The following TNFRSF8 variants were observed in gnomAD, a reference collection of about 807,000 sequenced individuals.
TNFRSF8 encodes the protein TNF receptor superfamily member 8, also known as tumor necrosis factor receptor superfamily member 8.
In TNFRSF8, 26 loss-of-function variants were observed where a neutral mutation model predicts 70.8. The ratio of observed to expected loss-of-function variants is 0.37; its 90% confidence interval spans 0.27 to 0.51. TNFRSF8 has a LOEUF of 0.51. Ranked by LOEUF, TNFRSF8 falls within the 20% of genes least tolerant of loss-of-function variation. The probability of loss-of-function intolerance (pLI) is 0.94; values close to 1 mark genes in which losing one functional copy is unlikely to be tolerated. For missense variants in TNFRSF8, 720 were observed against 807.9 expected (o/e 0.89, Z 1.32); for synonymous variants, 356 against 339.2 (o/e 1.05, Z -0.54).
Position 12,110,301 on chromosome 1 carries a change from G to A in TNFRSF8, c.676+97G>A. The A allele has an allele frequency of 4.6e-6, 6 of 1,292,588 alleles. No individual in the cohort carries two copies. Among genetic ancestry groups the A allele is most frequent in the East Asian group, 2.5e-5 (1 of 39,334 alleles). 80.1% of individuals were successfully genotyped at this position (1,292,588 alleles called of 1,614,324 possible). ...GTTTGGAGCAGGCGGGCAGTGATCT[G>A]TGGTCTTTTCCTGGTGGGGAGAGAA... On this transcript the variant is annotated intron_variant, in intron 6 of 14. Transcript: ENST00000263932. The surrounding 1 kb of genome is among the most constrained non-coding windows in gnomAD (Gnocchi z 4.0).
At chr1:12,080,799 A>G (rs1411324543) in intron 1 of TNFRSF8, among the ~76,000 whole-genome samples, 1 of 151,664 alleles carries the variant, frequency 6.6e-6, no homozygotes, top group African/African-American at 2.4e-5. Context: ...GCCTCAGCTG[A>G]CCCTCCTGTC....
intron 1 of TNFRSF8, among the ~76,000 whole-genome samples, chr1:12,072,519 C>T (rs1484132268): frequency 6.6e-6 from 1 of 152,130 alleles, no homozygotes; most frequent in Non-Finnish European, 1.5e-5. Context: ...CAGCTTTGCC[C>T]AGGGCTCTGG....
intron 8 of TNFRSF8, 74 bp from the exon 9 acceptor site, chr1:12,123,210 C>A: frequency 7.5e-7 from 1 of 1,326,462 alleles, no homozygotes; most frequent in Non-Finnish European, 1.0e-6. Context: ...GCCACCAGTC[C>A]CTGCTGGTTA....
Position 12,115,526 on chromosome 1 carries a change from C to T in TNFRSF8, c.794-51C>T, listed in dbSNP as rs561387407. ...TCTTCCTGGGGGCTCTCTGGACCCC[C>T]TGCCCTTGCCATACTGATCTTTCTC... On this transcript the variant is annotated intron_variant, in intron 7 of 14. Coordinates refer to ENST00000263932, the MANE Select transcript of TNFRSF8 (RefSeq NM_001243.5). The T allele has an allele frequency of 1.5e-5, 24 of 1,610,256 alleles. No homozygotes were observed. In the African/African-American group the frequency reaches 1.7e-4, roughly 12 times the overall value.
chr1:12,128,018 A>G (rs1454964849), intron 12 of TNFRSF8, among the ~76,000 whole-genome samples: 1 of 152,188 alleles, frequency 6.6e-6, no homozygotes, highest in African/African-American at 2.4e-5. Flanking sequence ...AAGTGAAGCC[A>G]AGACAGGCAA....
chr1:12,085,658 G>A (rs2100969967), intron 2 of TNFRSF8, among the ~76,000 whole-genome samples: 1 of 152,254 alleles, frequency 6.6e-6, no homozygotes, highest in East Asian at 1.9e-4. Flanking sequence ...CTCCCTTTCT[G>A]GAATGTTCCC....
rs542577626 is a variant in TNFRSF8, at chr1:12,119,694, T to G, written c.947-3590T>G. ...TTGGCTCACTGCAGCATTGAACTCC[T>G]GGGCTCGGGCGATCCTCCCACCTCA... On this transcript the variant is annotated intron_variant, in intron 8 of 14. Transcript: ENST00000263932. This position sits in a 1 kb window ranked among gnomAD's most constrained non-coding sequence, Gnocchi z 4.4. Among the ~76,000 whole-genome samples, 2 of 152,216 alleles carry G rather than the reference T, an allele frequency of 1.3e-5. No homozygotes were observed. Among genetic ancestry groups the G allele is most frequent in the South Asian group, 4.2e-4 (2 of 4,812 alleles).
intron 7 of TNFRSF8, among the ~76,000 whole-genome samples, chr1:12,114,440 C>G (rs1641689856): frequency 6.6e-6 from 1 of 152,098 alleles, no homozygotes. Flanking sequence ...CTGCCCAGTT[C>G]CCTTGCTCTG....
chr1:12,119,506 G>A lies in TNFRSF8; in HGVS notation c.946+3777G>A, dbSNP rs79044494. ...TCTACCTGCCGGTTGATGGCATTTGGGTTGTTTCCAGTTTAGGGCTATTAT... is the reference window on the plus strand; with the variant it reads ...TCTACCTGCCGGTTGATGGCATTTGAGTTGTTTCCAGTTTAGGGCTATTAT... On this transcript the variant is annotated intron_variant, in intron 8 of 14. Transcript: ENST00000263932. The surrounding 1 kb of genome is among the most constrained non-coding windows in gnomAD (Gnocchi z 4.4). Among the ~76,000 whole-genome samples, 1 of 151,196 alleles carries A rather than the reference G, an allele frequency of 6.6e-6. No individual in the cohort carries two copies. Among genetic ancestry groups the A allele is most frequent in the African/African-American group, 2.4e-5 (1 of 41,108 alleles).
At chr1:12,066,354 A>AAT (rs1553152231) in intron 1 of TNFRSF8, among the ~76,000 whole-genome samples, 51 of 140,872 alleles carry the variant, frequency 3.6e-4, no homozygotes, top group African/African-American at 1.3e-3. Context: ...TGAGTTTAAA[A>AAT]TTTTTTTTTT....
intron 3 of TNFRSF8, among the ~76,000 whole-genome samples, chr1:12,098,983 T>C (rs1641374339): frequency 6.6e-6 from 1 of 152,252 alleles, no homozygotes; most frequent in Non-Finnish European, 1.5e-5. Flanking sequence ...TTATTATTCA[T>C]GATGAGTTTA....
At chr1:12,100,971 A>AT (rs1641413152) in intron 3 of TNFRSF8, among the ~76,000 whole-genome samples, 1 of 144,076 alleles carries the variant, frequency 6.9e-6, no homozygotes, top group Non-Finnish European at 1.5e-5. Context: ...AAAAAAAAAA[A>AT]AGAATCCTGT....
chr1:12,096,309 A>G (rs903347985), intron 2 of TNFRSF8, among the ~76,000 whole-genome samples: 3 of 152,078 alleles, frequency 2.0e-5, no homozygotes, highest in Non-Finnish European at 4.4e-5. Flanking sequence ...TCTTAGTGGC[A>G]GGAGTGTCCA....
chr1:12,066,101 G>C (rs1234586300), intron 1 of TNFRSF8, among the ~76,000 whole-genome samples: 1 of 152,072 alleles, frequency 6.6e-6, no homozygotes, highest in Non-Finnish European at 1.5e-5. Flanking sequence ...TAGTGAAAAG[G>C]GTTATATCCT....
At chr1:12,126,814 G>C (rs1160231790) in intron 12 of TNFRSF8, among the ~76,000 whole-genome samples, 2 of 152,270 alleles carry the variant, frequency 1.3e-5, no homozygotes, top group Non-Finnish European at 2.9e-5. Context: ...CTACTTCAGA[G>C]GCTTGGCCTG....
Position 12,143,462 on chromosome 1 carries a change from A to G in TNFRSF8, c.*931A>G, listed in dbSNP as rs1642296913. The G allele has an allele frequency of 6.6e-6, 1 of 152,274 alleles. No individual in the cohort carries two copies. The highest frequency in any genetic ancestry group is 2.1e-4 in the South Asian group (1 of 4,818). 9.4% of individuals were successfully genotyped at this position (152,274 alleles called of 1,614,324 possible). Reference sequence around the variant, plus strand: ...TGGGCCCCACCCACTCTGTCCTGGGAAATGAAGAAGCATCTTCCTTAGGTC... The same window carrying G: ...TGGGCCCCACCCACTCTGTCCTGGGGAATGAAGAAGCATCTTCCTTAGGTC... On this transcript the variant is annotated 3_prime_UTR_variant, in exon 15 of 15. Coordinates refer to ENST00000263932, the MANE Select transcript of TNFRSF8 (RefSeq NM_001243.5). The surrounding 1 kb of genome is among the most constrained non-coding windows in gnomAD (Gnocchi z 4.1).
In TNFRSF8 at chr1:12,142,533, G is replaced by A; in HGVS notation, c.*2G>A. 1.3e-6 allele frequency: 2 copies of A among 1,561,982 alleles called. No individual in the cohort carries two copies. The highest frequency in any genetic ancestry group is 1.7e-4 in the Middle Eastern group (1 of 5,864). The stretch of plus-strand genomic sequence containing the variant: ...CCCACAGCTGCCTCTGGAAAGTGAG[G>A]CCTGGGCTGGGCTGGGGCTAGGAGG... On this transcript the variant is annotated 3_prime_UTR_variant, in exon 15 of 15. Coordinates refer to ENST00000263932, the MANE Select transcript of TNFRSF8 (RefSeq NM_001243.5). The surrounding 1 kb of genome is among the most constrained non-coding windows in gnomAD (Gnocchi z 5.0).
chr1:12,133,417 C>T (rs1642087304), intron 12 of TNFRSF8, among the ~76,000 whole-genome samples: 1 of 151,898 alleles, frequency 6.6e-6, no homozygotes, highest in African/African-American at 2.4e-5. Context: ...TCTGGAGGGA[C>T]CATGATTTAG....
Position 12,109,238 on chromosome 1 carries a change from G to A in TNFRSF8, c.422-328G>A, listed in dbSNP as rs11569869. ...TCTACCTCACAGGCTTGGGTCACAT[G>A]TCCGTCCCTGAACTGGCTCATCGTG... is the stretch of plus-strand genomic sequence containing the variant. On this transcript the variant is annotated intron_variant, in intron 4 of 14. Coordinates refer to ENST00000263932, the MANE Select transcript of TNFRSF8 (RefSeq NM_001243.5). This position sits in a 1 kb window ranked among gnomAD's most constrained non-coding sequence, Gnocchi z 4.4. 0.018 allele frequency among the ~76,000 whole-genome samples: 2,794 copies of A among 152,230 alleles called. 39 individuals carry two copies. The highest frequency in any genetic ancestry group is 0.028 in the Non-Finnish European group (1,937 of 68,010).
Sources: allele counts gnomAD v4.1 joint callset (sites outside exome capture counted in the v4.1 genomes callset), GRCh38; gene constraint gnomAD v4.1.1; non-coding constraint Gnocchi (gnomAD v3.1); transcripts MANE v1.5; gene names NCBI Gene and HGNC (gene_info 2026-07-23, HGNC 2026-07-21).